Variants in SLIT2 observed in about 807,000 individuals in gnomAD.
SLIT2 encodes slit guidance ligand 2, also known as slit homolog 2 protein.
In SLIT2, 41 loss-of-function variants were observed where a neutral mutation model predicts 185.7. The observed-to-expected ratio is 0.22, with a 90% CI of 0.17 to 0.29. The LOEUF (loss-of-function observed/expected upper bound fraction) is 0.29, where lower values mean the gene tolerates loss of function less well. Among genes scored for constraint, SLIT2 ranks in the 10% least tolerant of loss-of-function variants. The probability of loss-of-function intolerance (pLI) is 1.00; values close to 1 mark genes in which losing one functional copy is unlikely to be tolerated. For synonymous variants in SLIT2, 693 were observed against 680.2 expected (o/e 1.02, Z -0.29); for missense variants, 1,571 against 1,909.0 (o/e 0.82, Z 3.30).
intron 30 of SLIT2, 55 bp downstream of exon 30, chr4:20,589,792 A>G (rs962325497): frequency 8.0e-7 from 1 of 1,243,722 alleles, no homozygotes; most frequent in Admixed American, 1.9e-5. Context: ...CCATTATTTT[A>G]GGAGCCCTTC....
rs372267085 is a variant in SLIT2 at position 20,481,948 on chromosome 4, T to C, written c.539+1161T>C. ...TAACAACAGGAGAGGCCACCTTTGTTTCTATTGATAATGGTCTAAGTTTCT... is the reference window on the plus strand; with the variant it reads ...TAACAACAGGAGAGGCCACCTTTGTCTCTATTGATAATGGTCTAAGTTTCT... On this transcript the variant is annotated intron_variant, in intron 6 of 36. Coordinates refer to ENST00000504154, the MANE Select transcript of SLIT2 (RefSeq NM_004787.4). Among the ~76,000 whole-genome samples the C allele has an allele frequency of 2.6e-5, 4 of 152,172 alleles. No homozygotes were observed. The East Asian group carries it at 7.7e-4, about 29-fold the overall frequency.
At chr4:20,587,371 T>C (rs1038798638) in intron 29 of SLIT2, among the ~76,000 whole-genome samples, 23 of 152,194 alleles carry the variant, frequency 1.5e-4, no homozygotes, top group African/African-American at 5.5e-4. Flanking sequence ...GTCAGGTGTA[T>C]AGCTATGTAA....
At chr4:20,369,585 C>T (rs1723407198) in intron 4 of SLIT2, among the ~76,000 whole-genome samples, 1 of 152,052 alleles carries the variant, frequency 6.6e-6, no homozygotes, top group African/African-American at 2.4e-5. Context: ...TTGGATTGTC[C>T]ACTCTTTGTT....
chr4:20,286,092 G>C (rs185319488), intron 4 of SLIT2, among the ~76,000 whole-genome samples: 1 of 152,326 alleles, frequency 6.6e-6, no homozygotes, highest in Admixed American at 6.5e-5. Flanking sequence ...CACATGGCAG[G>C]CTAGCATTTG....
chr4:20,313,948 T>A (rs1235967887), intron 4 of SLIT2, among the ~76,000 whole-genome samples: 2 of 152,188 alleles, frequency 1.3e-5, no homozygotes, highest in Non-Finnish European at 2.9e-5. Flanking sequence ...TAAAGTCATG[T>A]TCTTATAGCT....
chr4:20,453,100 A>G (rs373395135), intron 4 of SLIT2, among the ~76,000 whole-genome samples: 1 of 152,200 alleles, frequency 6.6e-6, no homozygotes. Flanking sequence ...TTAGCTTAAG[A>G]TTGCCTTTCA....
chr4:20,258,882 C>A (rs1199954336), intron 3 of SLIT2, among the ~76,000 whole-genome samples: 5 of 151,598 alleles, frequency 3.3e-5, no homozygotes, highest in Non-Finnish European at 3.0e-5. Flanking sequence ...ATAATAAAAT[C>A]TAATGTTCAT....
intron 29 of SLIT2, among the ~76,000 whole-genome samples, chr4:20,576,954 C>G (rs1553844611): frequency 6.7e-6 from 1 of 150,110 alleles, no homozygotes; most frequent in Non-Finnish European, 1.5e-5. Flanking sequence ...ACTTCATTTT[C>G]TGTTTGTTTA....
At chr4:20,430,782 C>T (rs952354768) in intron 4 of SLIT2, among the ~76,000 whole-genome samples, 4 of 152,198 alleles carry the variant, frequency 2.6e-5, no homozygotes, top group African/African-American at 7.2e-5. Context: ...AATGACATCA[C>T]ACTTTCTATA....
intron 4 of SLIT2, among the ~76,000 whole-genome samples, chr4:20,304,091 C>T (rs977570649): frequency 1.4e-4 from 21 of 152,232 alleles, no homozygotes; most frequent in African/African-American, 5.1e-4. Flanking sequence ...GTGATTTTCT[C>T]CTGCAGAGTT....
At chr4:20,472,389 G>GATATCTATATATCTAT (rs1560453761) in intron 5 of SLIT2, among the ~76,000 whole-genome samples, 3 of 9,330 alleles carry the variant, frequency 3.2e-4, no homozygotes, top group Non-Finnish European at 5.3e-4. Flanking sequence ...TATATATGTA[G>GATATCTATATATCTAT]ATATATAGAT....
chr4:20,385,351 G>T (rs1473580214), intron 4 of SLIT2, among the ~76,000 whole-genome samples: 1 of 152,076 alleles, frequency 6.6e-6, no homozygotes, highest in Non-Finnish European at 1.5e-5. Context: ...TCAGCTCTTT[G>T]CACAGTGAGC....
chr4:20,469,751 C>CTTTTTTTTTTTTT (rs33912349), intron 5 of SLIT2, among the ~76,000 whole-genome samples: 23 of 90,750 alleles, frequency 2.5e-4, no homozygotes, highest in Non-Finnish European at 3.1e-4. Flanking sequence ...TTAGTTTTTA[C>CTTTTTTTTTTTTT]TTTTTTTTTT....
intron 4 of SLIT2, among the ~76,000 whole-genome samples, chr4:20,412,711 T>C (rs975696393): frequency 2.1e-4 from 32 of 152,116 alleles, no homozygotes; most frequent in Non-Finnish European, 3.1e-4. Context: ...TTTTAACTTA[T>C]ACAATTTAGC....
At chr4:20,371,969 A>C (rs913758153) in intron 4 of SLIT2, among the ~76,000 whole-genome samples, 1 of 152,112 alleles carries the variant, frequency 6.6e-6, no homozygotes, top group East Asian at 1.9e-4. Flanking sequence ...TTTTAGGACT[A>C]TTCTGTGCAA....
intron 4 of SLIT2, among the ~76,000 whole-genome samples, chr4:20,370,918 C>T (rs572988983): frequency 6.6e-6 from 1 of 152,242 alleles, no homozygotes; most frequent in East Asian, 1.9e-4. Flanking sequence ...TTCTCAACTC[C>T]ACTTAGTGAC....
At chr4:20,524,456 C>A (rs986559598) in intron 14 of SLIT2, among the ~76,000 whole-genome samples, 1 of 152,174 alleles carries the variant, frequency 6.6e-6, no homozygotes, top group Non-Finnish European at 1.5e-5. Flanking sequence ...TCAAACTTAA[C>A]CAGAGCCTTA....
chr4:20,309,383 C>CT lies in SLIT2; in HGVS notation c.395+40511dup, dbSNP rs201794333. On this transcript the variant is annotated intron_variant, in intron 4 of 36. Coordinates refer to ENST00000504154, the MANE Select transcript of SLIT2 (RefSeq NM_004787.4). ...AAACCTCTTTCTGCTTTTAACAGAT[C>CT]TTTTTTTTTCTTTATCCACTCTCTT... 4.6e-3 allele frequency among the ~76,000 whole-genome samples: 696 copies of CT among 151,290 alleles called. 5 individuals carry two copies. The highest frequency in any genetic ancestry group is 5.3e-3 in the Non-Finnish European group (361 of 67,742).
intron 34 of SLIT2, 44 bp downstream of exon 34, chr4:20,610,211 T>C (rs1266543015): frequency 3.2e-6 from 5 of 1,568,122 alleles, no homozygotes; most frequent in Admixed American, 1.8e-5. Flanking sequence ...ACCCTGTGAT[T>C]CTCATTATGG....
Sources: gnomAD v4.1 joint callset for allele counts (sites outside exome capture counted in the v4.1 genomes callset) on GRCh38, gnomAD v4.1.1 for gene constraint, MANE v1.5 for transcripts, NCBI Gene and HGNC (gene_info 2026-07-23, HGNC 2026-07-21) for gene names.